The following CALN1 variants were observed in gnomAD, a reference collection of about 807,000 sequenced individuals.
CALN1 encodes calcium-binding protein 8.
A neutral mutation model predicts 30.6 loss-of-function variants in CALN1; 17 were observed. The observed-to-expected ratio is 0.56, with a 90% confidence interval of 0.38 to 0.83. The LOEUF (loss-of-function observed/expected upper bound fraction) is 0.83. CALN1 is among the 40% of genes least tolerant of loss of function. The pLI is 0.00. For synonymous variants in CALN1, 156 were observed against 131.4 expected, an observed-to-expected ratio of 1.19 and a Z score of -1.28; for missense variants, 291 against 354.9, an observed-to-expected ratio of 0.82 and a Z score of 1.45.
chr7:72,337,790 C>G (rs1233607785), intron 2 of CALN1: 1 of 152,504 alleles, frequency 6.6e-6, no homozygotes, highest in Non-Finnish European at 1.5e-5. Flanking sequence ...AGCGATCCCA[C>G]TCCTCCAGGG....
chr7:71,910,090 A>G (rs987109821), intron 5 of CALN1, among the ~76,000 whole-genome samples: 5 of 152,214 alleles, frequency 3.3e-5, no homozygotes, highest in African/African-American at 9.6e-5. Context: ...CAATAACAGT[A>G]TGAGTCAGTT....
chr7:72,324,473 A>G (rs1801122093), intron 2 of CALN1, among the ~76,000 whole-genome samples: 1 of 151,830 alleles, frequency 6.6e-6, no homozygotes, highest in African/African-American at 2.4e-5. Context: ...TTATTCCCCA[A>G]TAACCTCCAA....
At chr7:72,087,485 A>G (rs1458592582) in intron 4 of CALN1, among the ~76,000 whole-genome samples, 2 of 152,158 alleles carry the variant, frequency 1.3e-5, no homozygotes, top group African/African-American at 4.8e-5. Flanking sequence ...CAGCTCTAAA[A>G]CAGATCCACC....
chr7:72,138,553 G>C, intron 3 of CALN1, among the ~76,000 whole-genome samples: 1 of 62,422 alleles, frequency 1.6e-5, no homozygotes, highest in East Asian at 2.9e-3. Flanking sequence ...GAGCAAAGGA[G>C]ACGGGGACTG....
intron 5 of CALN1, among the ~76,000 whole-genome samples, chr7:71,963,335 G>T (rs1336893203): frequency 6.6e-6 from 1 of 151,144 alleles, no homozygotes; most frequent in Non-Finnish European, 1.5e-5. Context: ...GCTAATTTTT[G>T]TATTTTTAGT....
At chr7:71,965,707 T>C (rs564999996) in intron 5 of CALN1, among the ~76,000 whole-genome samples, 5 of 151,786 alleles carry the variant, frequency 3.3e-5, no homozygotes, top group African/African-American at 9.6e-5. Flanking sequence ...CCAAAAGATA[T>C]ATTGGTGAAA....
At chr7:72,469,374 C>T in the CALN1 span, among the ~76,000 whole-genome samples, 3 of 152,046 alleles carry the variant, frequency 2.0e-5, no homozygotes, top group African/African-American at 7.2e-5. Context: ...ATCAGTTGGC[C>T]GCAGATGTAT....
intron 3 of CALN1, among the ~76,000 whole-genome samples, chr7:72,182,934 G>A (rs898974798): frequency 5.9e-5 from 9 of 152,176 alleles, no homozygotes; most frequent in Admixed American, 3.9e-4. Context: ...ACGGGACCAG[G>A]TGGTAAAGGC....
At chr7:72,271,433 C>G (rs1332451753) in intron 3 of CALN1, among the ~76,000 whole-genome samples, 1 of 150,456 alleles carries the variant, frequency 6.6e-6, no homozygotes, top group African/African-American at 2.4e-5. Context: ...TTTTTGTTTT[C>G]TTTTTTCTGA....
rs905270965 is a variant in CALN1, at chr7:72,272,353, G to A, written c.244+6333C>T. 4.6e-5 allele frequency among the ~76,000 whole-genome samples: 7 copies of A among 152,156 alleles called. No individual in the cohort carries two copies. In the East Asian group the frequency reaches 5.8e-4, roughly 13 times the overall value. Reference sequence around the variant, plus strand: ...GAGGCAGGTGGACCACCTGAGGTCAGAAGTTCGAGACCAACCTGGCCAACA... The same window carrying A: ...GAGGCAGGTGGACCACCTGAGGTCAAAAGTTCGAGACCAACCTGGCCAACA... On this transcript the variant is annotated intron_variant, in intron 3 of 6. Transcript: ENST00000395275.
the CALN1 span, among the ~76,000 whole-genome samples, chr7:72,462,564 C>T: frequency 6.6e-6 from 1 of 152,184 alleles, no homozygotes; most frequent in African/African-American, 2.4e-5. Flanking sequence ...AGGAGAAAAT[C>T]CCACAATACT....
the CALN1 span, among the ~76,000 whole-genome samples, chr7:72,497,589 C>T: frequency 6.6e-6 from 1 of 152,182 alleles, no homozygotes; most frequent in Non-Finnish European, 1.5e-5. Context: ...AGAGCTACAT[C>T]CTAGAAACGA....
rs1554444019 is a variant in CALN1, at chr7:72,114,309, G to GAAGGC, written c.245-8020_245-8016dup. ...GAAGGGAAGGGAAGGGAAGGGAAGG[G>GAAGGC]AAGGCAACACTGTAGTTTACGTGAT... On this transcript the variant is annotated intron_variant, in intron 3 of 6. Transcript: ENST00000395275. Among the ~76,000 whole-genome samples, 18 of 97,988 alleles carry GAAGGC rather than the reference G, an allele frequency of 1.8e-4. 4 individuals carry two copies. Among genetic ancestry groups the GAAGGC allele is most frequent in the Non-Finnish European group, 2.2e-4 (11 of 49,728 alleles). The allele number at this position is 97,988 out of a possible 152,430, so 64.3% of individuals were successfully genotyped here.
chr7:72,278,013 G>GGGGGT (rs1797462292), intron 3 of CALN1, among the ~76,000 whole-genome samples: 1 of 138,572 alleles, frequency 7.2e-6, no homozygotes. Flanking sequence ...TATTCCGGGG[G>GGGGGT]GGGGGGACTT....
At chr7:72,268,904 C>T (rs1054410393) in intron 3 of CALN1, among the ~76,000 whole-genome samples, 2 of 151,986 alleles carry the variant, frequency 1.3e-5, no homozygotes, top group African/African-American at 4.8e-5. Flanking sequence ...TGCCATAAGC[C>T]AGGCACAATA....
At chr7:72,370,867 G>GGTCT (rs1804195181) in intron 2 of CALN1, among the ~76,000 whole-genome samples, 1 of 151,866 alleles carries the variant, frequency 6.6e-6, no homozygotes, top group Non-Finnish European at 1.5e-5. Flanking sequence ...CCAACATGGT[G>GGTCT]AAGCCGCATC....
intron 3 of CALN1, among the ~76,000 whole-genome samples, chr7:72,225,915 G>A (rs1793638706): frequency 6.6e-6 from 1 of 151,974 alleles, no homozygotes. Flanking sequence ...GGCCAACATG[G>A]TGAAACTCCG....
At chr7:71,865,337 A>T (rs1194529198) in intron 5 of CALN1, among the ~76,000 whole-genome samples, 1 of 152,178 alleles carries the variant, frequency 6.6e-6, no homozygotes, top group Non-Finnish European at 1.5e-5. Context: ...AGCTCTGGCC[A>T]CGTAAGAAGT....
At chr7:72,421,368 C>T (rs544195825) in intron 1 of CALN1, among the ~76,000 whole-genome samples, 6 of 152,136 alleles carry the variant, frequency 3.9e-5, no homozygotes, top group African/African-American at 9.6e-5. Flanking sequence ...AATGGAAAAC[C>T]GAAAGAATAA....
Sources: allele counts gnomAD v4.1 joint callset (sites outside exome capture counted in the v4.1 genomes callset), GRCh38; gene constraint gnomAD v4.1.1; transcripts MANE v1.5; gene names NCBI Gene and HGNC (gene_info 2026-07-23, HGNC 2026-07-21).